The following RBFOX3 variants were observed in gnomAD, a reference collection of about 807,000 sequenced individuals.
The protein encoded by RBFOX3 is RNA binding fox-1 homolog 3.
In RBFOX3, 17 loss-of-function variants were observed where a neutral mutation model predicts 48.7. The observed-to-expected ratio is 0.35, with a 90% CI of 0.24 to 0.52. The LOEUF (loss-of-function observed/expected upper bound fraction) is 0.52. Ranked by LOEUF, RBFOX3 falls within the 20% of genes least tolerant of loss-of-function variation. The probability of loss-of-function intolerance (pLI) is 0.94; values close to 1 mark genes in which losing one functional copy is unlikely to be tolerated. For missense variants in RBFOX3, 382 were observed against 497.5 expected (o/e 0.77, Z 2.21); for synonymous variants, 212 against 209.5 (o/e 1.01, Z -0.10).
intron 2 of RBFOX3, among the ~76,000 whole-genome samples, chr17:79,388,038 G>C (rs2060815897): frequency 6.7e-6 from 1 of 149,832 alleles, no homozygotes; most frequent in South Asian, 2.2e-4. Context: ...ATATGAACTT[G>C]TGTGCATGTA....
At chr17:79,109,846 C>T (rs2030152937) in intron 5 of RBFOX3, among the ~76,000 whole-genome samples, 1 of 152,186 alleles carries the variant, frequency 6.6e-6, no homozygotes, top group South Asian at 2.1e-4. Flanking sequence ...AGGGGAGCAG[C>T]CGAGGATGAG....
rs1440934338 is a variant in RBFOX3 at position 79,198,075 on chromosome 17, G to A, written c.-34+37691C>T. Among the ~76,000 whole-genome samples the A allele has an allele frequency of 1.4e-5, 2 of 147,758 alleles. No individual in the cohort carries two copies. Among genetic ancestry groups the A allele is most frequent in the Non-Finnish European group, 3.0e-5 (2 of 66,938 alleles). On this transcript the variant is annotated intron_variant, in intron 4 of 14. Transcript: ENST00000693108. This position sits in a 1 kb window ranked among gnomAD's most constrained non-coding sequence, Gnocchi z 8.2. ...CAGGAGAGTCGTGTGGGGTGGGCTT[G>A]TCATCCCGGAAGTGCTACGGTTGCA... is the stretch of plus-strand genomic sequence containing the variant.
chr17:79,142,061 A>G (rs1287224275), intron 4 of RBFOX3, among the ~76,000 whole-genome samples: 1 of 152,232 alleles, frequency 6.6e-6, no homozygotes, highest in Non-Finnish European at 1.5e-5. Context: ...TGGTGCTGCT[A>G]TCCTTTTACG....
chr17:79,496,079 A>C (rs1184017569), intron 1 of RBFOX3, among the ~76,000 whole-genome samples: 1 of 151,900 alleles, frequency 6.6e-6, no homozygotes, highest in East Asian at 1.9e-4. Flanking sequence ...TAGAATGCTG[A>C]ACTTTTGGAA....
intron 2 of RBFOX3, among the ~76,000 whole-genome samples, chr17:79,386,124 ACAGAAAGAGGC>A (rs2060529833): frequency 7.0e-6 from 1 of 142,144 alleles, no homozygotes. Flanking sequence ...ACCTCCCATT[ACAGAAAGAGGC>A]TCCATCATCC....
chr17:79,300,000 G>A lies in RBFOX3; in HGVS notation c.-74+7724C>T, dbSNP rs2075058383. On this transcript the variant is annotated intron_variant, in intron 3 of 14. Transcript: ENST00000693108. This position sits in a 1 kb window ranked among gnomAD's most constrained non-coding sequence, Gnocchi z 4.5. ...GCTCACTGCAACCTCTGCCTCCCGG[G>A]TTCCAGTAATTCTCCCAACTCAGCC... 6.6e-6 allele frequency among the ~76,000 whole-genome samples: 1 copy of A among 152,012 alleles called. No homozygotes were observed. Among genetic ancestry groups the A allele is most frequent in the Non-Finnish European group, 1.5e-5 (1 of 68,008 alleles).
intron 2 of RBFOX3, among the ~76,000 whole-genome samples, chr17:79,352,039 G>A (rs771214099): frequency 6.6e-6 from 1 of 152,072 alleles, no homozygotes; most frequent in East Asian, 1.9e-4. Context: ...GGTGGAGCAA[G>A]CATATCCACC....
At position 79,266,051 on chromosome 17, in the gene RBFOX3, C is replaced by T. The variant is rs532366311; in HGVS notation, c.-73-30246G>A. Among the ~76,000 whole-genome samples, 7 of 152,358 alleles carry T rather than the reference C, an allele frequency of 4.6e-5. No individual in the cohort carries two copies. The South Asian group carries it at 1.0e-3, about 23-fold the overall frequency. ...TTCCCAGAGGGCTGCTCACCCGGAC[C>T]GGGCAGGTGAGACTGTCTGCTCCAG... On this transcript the variant is annotated intron_variant, in intron 3 of 14. Transcript: ENST00000693108.
rs58040659 is a variant in RBFOX3 at position 79,356,348 on chromosome 17, G to GTTTTTTTTTTTTTTTTTTTTTT, written c.-174-48546_-174-48525dup. 2.3e-4 allele frequency among the ~76,000 whole-genome samples: 11 copies of GTTTTTTTTTTTTTTTTTTTTTT among 47,270 alleles called. 1 individual carries two copies. Among genetic ancestry groups the GTTTTTTTTTTTTTTTTTTTTTT allele is most frequent in the East Asian group, 6.7e-4 (1 of 1,494 alleles). The allele number at this position is 47,270 out of a possible 152,430, so 31.0% of individuals were successfully genotyped here. A position where few individuals can be genotyped will look rare whatever the true frequency, so the allele number is the denominator to read the frequency against. ...ACTTTTTCACTTTTAAAACAGGGAA[G>GTTTTTTTTTTTTTTTTTTTTTT]TTTTTTTTTTTTTTTTTTTTTTTTT... On this transcript the variant is annotated intron_variant, in intron 2 of 14. Coordinates refer to ENST00000693108, the MANE Select transcript of RBFOX3 (RefSeq NM_001350451.2).
At chr17:79,097,514 C>G (rs2075574876) in intron 10 of RBFOX3, 90 bp from the exon 11 acceptor site, 1 of 1,427,890 alleles carries the variant, frequency 7.0e-7, no homozygotes, top group African/African-American at 1.5e-5. Flanking sequence ...CCCCGCGCAC[C>G]TAGCCCCCAA....
At chr17:79,334,976 G>T (rs1356352054) in intron 2 of RBFOX3, among the ~76,000 whole-genome samples, 2 of 152,208 alleles carry the variant, frequency 1.3e-5, no homozygotes, top group Admixed American at 6.5e-5. Flanking sequence ...AATATTCTCT[G>T]CCAGGGAACC....
At chr17:79,174,845 C>T (rs1328935407) in intron 4 of RBFOX3, among the ~76,000 whole-genome samples, 2 of 152,232 alleles carry the variant, frequency 1.3e-5, no homozygotes, top group East Asian at 1.9e-4. Context: ...TAGGAGTAGG[C>T]GACCTGGGCA....
intron 4 of RBFOX3, among the ~76,000 whole-genome samples, chr17:79,227,455 T>C (rs890301194): frequency 1.3e-5 from 2 of 152,022 alleles, no homozygotes; most frequent in African/African-American, 4.8e-5. Flanking sequence ...GGCAGGGGCT[T>C]TGTTTGGCTC....
intron 4 of RBFOX3, among the ~76,000 whole-genome samples, chr17:79,133,438 C>T (rs1312532098): frequency 6.6e-6 from 1 of 152,174 alleles, no homozygotes; most frequent in Non-Finnish European, 1.5e-5. Context: ...ATCTCTGGGA[C>T]ACCATGGTGA....
At chr17:79,173,410 C>T (rs767684080) in intron 4 of RBFOX3, among the ~76,000 whole-genome samples, 7 of 152,172 alleles carry the variant, frequency 4.6e-5, no homozygotes, top group South Asian at 2.1e-4. Flanking sequence ...ACACTGGAGA[C>T]GCCCTTGGAG....
At chr17:79,379,099 G>A (rs990234607) in intron 2 of RBFOX3, among the ~76,000 whole-genome samples, 1 of 152,140 alleles carries the variant, frequency 6.6e-6, no homozygotes, top group South Asian at 2.1e-4. Context: ...TGATGGACAC[G>A]TTCCACCACC....
chr17:79,585,539 A>G (rs1388169593), intron 1 of RBFOX3, among the ~76,000 whole-genome samples: 1 of 152,188 alleles, frequency 6.6e-6, no homozygotes, highest in Non-Finnish European at 1.5e-5. Context: ...CCTGGGCGAC[A>G]ACAGCGAGAC....
chr17:79,155,794 C>A (rs143031595), intron 4 of RBFOX3, among the ~76,000 whole-genome samples: 3 of 152,132 alleles, frequency 2.0e-5, no homozygotes, highest in African/African-American at 4.8e-5. Context: ...AGGCAGCCCA[C>A]CCCTGCACCC....
At chr17:79,647,712 C>T in the RBFOX3 span, among the ~76,000 whole-genome samples, 5 of 152,160 alleles carry the variant, frequency 3.3e-5, no homozygotes, top group Non-Finnish European at 5.9e-5. Context: ...CATGGCACAG[C>T]GCATGACCAG....
Sources: allele counts gnomAD v4.1 joint callset (sites outside exome capture counted in the v4.1 genomes callset), GRCh38; gene constraint gnomAD v4.1.1; non-coding constraint Gnocchi (gnomAD v3.1); transcripts MANE v1.5; gene names NCBI Gene and HGNC (gene_info 2026-07-23, HGNC 2026-07-21).